Variants in DGKG observed in about 807,000 individuals in gnomAD.
DGKG encodes diacylglycerol kinase gamma.
DGKG carries 78 observed loss-of-function variants against 105.3 expected under a neutral mutation model. The observed-to-expected ratio is 0.74, with a 90% CI of 0.62 to 0.89. The LOEUF is 0.89. Among genes scored for constraint, DGKG ranks in the 40% least tolerant of loss-of-function variants. The probability of loss-of-function intolerance (pLI) is 0.00; values close to 1 mark genes in which losing one functional copy is unlikely to be tolerated. For missense variants in DGKG, 958 were observed against 1,020.1 expected (o/e 0.94, Z 0.83); for synonymous variants, 346 against 367.1 (o/e 0.94, Z 0.66).
intron 1 of DGKG, among the ~76,000 whole-genome samples, chr3:186,334,622 C>G (rs937406266): frequency 1.3e-5 from 2 of 152,158 alleles, no homozygotes; most frequent in Non-Finnish European, 2.9e-5. Context: ...ATTCAGTAAC[C>G]TTTACAATGT....
intron 5 of DGKG, among the ~76,000 whole-genome samples, chr3:186,291,051 A>G (rs1723290186): frequency 6.6e-6 from 1 of 152,218 alleles, no homozygotes; most frequent in Non-Finnish European, 1.5e-5. Context: ...TGTCCAGTGA[A>G]GCTTAAAAGA....
intron 9 of DGKG, among the ~76,000 whole-genome samples, chr3:186,277,289 C>T (rs949102741): frequency 1.5e-4 from 23 of 152,204 alleles, no homozygotes; most frequent in African/African-American, 5.1e-4. Flanking sequence ...TTCCAGATGC[C>T]GGAAGACACA....
At chr3:186,306,729 G>A in intron 3 of DGKG, 172 bp downstream of exon 3, 1 of 600,924 alleles carries the variant, frequency 1.7e-6, no homozygotes, top group South Asian at 2.0e-5. Flanking sequence ...GAGTGTATGG[G>A]CTTGGGAAAC....
intron 11 of DGKG, among the ~76,000 whole-genome samples, chr3:186,271,919 G>C (rs1205691316): frequency 6.6e-6 from 1 of 152,194 alleles, no homozygotes; most frequent in East Asian, 1.9e-4. Flanking sequence ...TGCTTCCACT[G>C]TACCTTCCAC....
chr3:186,230,126 C>T (rs1156419661), intron 20 of DGKG, among the ~76,000 whole-genome samples: 2 of 152,214 alleles, frequency 1.3e-5, no homozygotes, highest in South Asian at 2.1e-4. Context: ...GGTGTGGTGG[C>T]GGGCGCCTGT....
intron 6 of DGKG, among the ~76,000 whole-genome samples, chr3:186,285,984 T>C (rs1723050527): frequency 6.6e-6 from 1 of 152,160 alleles, no homozygotes; most frequent in South Asian, 2.1e-4. Context: ...CCCCGGCCTT[T>C]CCTGCTATTG....
At chr3:186,350,856 G>A (rs963086702) in intron 1 of DGKG, among the ~76,000 whole-genome samples, 5 of 152,278 alleles carry the variant, frequency 3.3e-5, no homozygotes, top group African/African-American at 1.2e-4. Context: ...GATTCATGAT[G>A]CTGAGCTTTT....
chr3:186,152,243 T>A (rs1715796764), intron 24 of DGKG, among the ~76,000 whole-genome samples: 1 of 152,116 alleles, frequency 6.6e-6, no homozygotes, highest in African/African-American at 2.4e-5. Context: ...CTCTGTTTTT[T>A]GATAGTCACC....
chr3:186,272,638 AGT>A (rs1430416474), intron 10 of DGKG, among the ~76,000 whole-genome samples: 4 of 152,168 alleles, frequency 2.6e-5, no homozygotes, highest in Admixed American at 6.5e-5. Flanking sequence ...CCTGAAGGGG[AGT>A]GTGCGGCATC....
intron 9 of DGKG, among the ~76,000 whole-genome samples, chr3:186,277,148 T>C (rs1313314884): frequency 1.3e-5 from 2 of 152,252 alleles, no homozygotes; most frequent in Non-Finnish European, 2.9e-5. Flanking sequence ...GATTGATTCA[T>C]TCATTTATTC....
At chr3:186,194,159 G>GTGGT (rs1317596564) in intron 21 of DGKG, among the ~76,000 whole-genome samples, 6 of 152,268 alleles carry the variant, frequency 3.9e-5, no homozygotes, top group Non-Finnish European at 1.5e-5. Flanking sequence ...TGAGCCACGG[G>GTGGT]TGGTTGGTTG....
chr3:186,239,459 G>A (rs1720571664), intron 20 of DGKG, among the ~76,000 whole-genome samples: 1 of 152,184 alleles, frequency 6.6e-6, no homozygotes, highest in Non-Finnish European at 1.5e-5. Context: ...GTGTAATGGG[G>A]TAACCATGGC....
At chr3:186,306,672 G>C in intron 3 of DGKG, 1 of 477,192 alleles carries the variant, frequency 2.1e-6, no homozygotes, top group Non-Finnish European at 3.7e-6. Flanking sequence ...GGAGGGGTGA[G>C]AGATGAGCAG....
At chr3:186,243,893 G>GTTTTTTTTTTTTTT (rs1325137759) in intron 19 of DGKG, among the ~76,000 whole-genome samples, 1 of 80,866 alleles carries the variant, frequency 1.2e-5, no homozygotes, top group African/African-American at 4.2e-5. Flanking sequence ...GAAAATTTCT[G>GTTTTTTTTTTTTTT]TGTTTTTTTT....
In DGKG at chr3:186,288,832, G is replaced by T. The variant is rs757494014; in HGVS notation, c.422C>A (p.Ala141Glu). ...AGGGACGGGGGGTTCCAGGGGGGTC[G>T]CAGCCACTTGGTCTTCAGCTGGTGC... Reference protein sequence around the residue: ...KQAPAEDQVAATPLEPPVPRS... With the variant: ...KQAPAEDQVAETPLEPPVPRS... Residue 141 changes from alanine (A) to glutamate (E), a missense_variant, in exon 6 of 25, where the codon GCG becomes GAG. This residue lies in a region of DGKG where 643 missense variants were observed against 619.5 expected (regional missense o/e 1.04). Transcript: ENST00000265022. 5 of 1,605,554 alleles carry T rather than the reference G, an allele frequency of 3.1e-6. No homozygotes were observed. The highest frequency in any genetic ancestry group is 4.3e-6 in the Non-Finnish European group (5 of 1,176,252).
At chr3:186,269,165 G>A (rs982538845) in intron 11 of DGKG, among the ~76,000 whole-genome samples, 4 of 152,252 alleles carry the variant, frequency 2.6e-5, no homozygotes, top group Non-Finnish European at 4.4e-5. Flanking sequence ...CAGCTCAATC[G>A]CCCTGGAAGG....
chr3:186,259,280 GGACTGTCTGCCAGTTTT>G (rs1343958769), intron 16 of DGKG, among the ~76,000 whole-genome samples: 1 of 152,160 alleles, frequency 6.6e-6, no homozygotes, highest in Non-Finnish European at 1.5e-5. Flanking sequence ...TGAAGCTGGA[GGACTGTCTGCCAGTTTT>G]GACAGTGGGC....
In DGKG at chr3:186,290,565, C is replaced by T. The variant is rs184189866; in HGVS notation, c.374-1685G>A. On this transcript the variant is annotated intron_variant, in intron 5 of 24. Transcript: ENST00000265022. ...CATTATATTATCAGGGAGGACCAAA[C>T]ACTGATCTCTGAGAAGATGAGATGA... 1.1e-3 allele frequency among the ~76,000 whole-genome samples: 163 copies of T among 152,270 alleles called. 1 individual carries two copies. Among genetic ancestry groups the T allele is most frequent in the South Asian group, 2.9e-3 (14 of 4,820 alleles).
chr3:186,268,788 G>T lies in DGKG; in HGVS notation c.1116+13C>A. 6.3e-7 allele frequency: 1 copy of T among 1,596,300 alleles called. No homozygotes were observed. Among genetic ancestry groups the T allele is most frequent in the Non-Finnish European group, 8.6e-7 (1 of 1,164,986 alleles). On this transcript the variant is annotated intron_variant, in intron 12 of 24. Transcript: ENST00000265022. ...GTTGAAAAGAAGCAGGGCCGCCCTG[G>T]GCGCCAACCCACCGTCATCCGGCAC...
Sources: allele counts gnomAD v4.1 joint callset (sites outside exome capture counted in the v4.1 genomes callset), GRCh38; gene constraint gnomAD v4.1.1; regional missense constraint gnomAD v4.1.1; transcripts MANE v1.5; gene names NCBI Gene and HGNC (gene_info 2026-07-23, HGNC 2026-07-21).